SEL1L3: variants seen among roughly 807,000 people sequenced by gnomAD.
The protein encoded by SEL1L3 is protein sel-1 homolog 3.
A neutral mutation model predicts 142.8 loss-of-function variants in SEL1L3; 76 were observed. The ratio of observed to expected loss-of-function variants is 0.53; its 90% confidence interval spans 0.44 to 0.64. The LOEUF is 0.64. Among genes scored for constraint, SEL1L3 ranks in the 30% least tolerant of loss-of-function variants. The probability of loss-of-function intolerance (pLI) is 0.00; values close to 1 mark genes in which losing one functional copy is unlikely to be tolerated. For missense variants in SEL1L3, 1,262 were observed against 1,381.7 expected (o/e 0.91, Z 1.37); for synonymous variants, 504 against 519.6 (o/e 0.97, Z 0.41).
At chr4:25,840,945 G>A (rs528197236) in intron 2 of SEL1L3, among the ~76,000 whole-genome samples, 6 of 152,006 alleles carry the variant, frequency 3.9e-5, no homozygotes, top group East Asian at 1.9e-4. Context: ...TTCCCAATCC[G>A]GAATTTTCTC....
chr4:25,785,900 C>T (rs1371679377), intron 13 of SEL1L3, among the ~76,000 whole-genome samples: 1 of 152,152 alleles, frequency 6.6e-6, no homozygotes, highest in Non-Finnish European at 1.5e-5. Flanking sequence ...GTTAGAGCTG[C>T]AATGACAACC....
intron 15 of SEL1L3, among the ~76,000 whole-genome samples, chr4:25,780,736 A>G (rs1719936867): frequency 6.8e-6 from 1 of 147,134 alleles, no homozygotes; most frequent in Non-Finnish European, 1.5e-5. Flanking sequence ...TAAATAATAT[A>G]TATAAATAAA....
chr4:25,780,371 T>G (rs1719913599), intron 15 of SEL1L3, among the ~76,000 whole-genome samples: 1 of 152,174 alleles, frequency 6.6e-6, no homozygotes, highest in Non-Finnish European at 1.5e-5. Context: ...AGCCCATCGT[T>G]GCCCCATTGA....
chr4:25,750,448 A>G (rs1397033267), intron 23 of SEL1L3, among the ~76,000 whole-genome samples: 1 of 152,140 alleles, frequency 6.6e-6, no homozygotes, highest in Non-Finnish European at 1.5e-5. Context: ...AAGAAAGAAT[A>G]CGTGGGACTA....
chr4:25,860,357 A>G (rs1717613325), intron 1 of SEL1L3, among the ~76,000 whole-genome samples: 1 of 152,072 alleles, frequency 6.6e-6, no homozygotes, highest in African/African-American at 2.4e-5. Context: ...CCCCTGACCA[A>G]CCACTTCCTC....
At chr4:25,808,950 G>T (rs929028455) in intron 9 of SEL1L3, among the ~76,000 whole-genome samples, 9 of 150,092 alleles carry the variant, frequency 6.0e-5, no homozygotes, top group Non-Finnish European at 8.9e-5. Flanking sequence ...GCGAGTGCCT[G>T]TAGTCCCATC....
intron 17 of SEL1L3, among the ~76,000 whole-genome samples, chr4:25,770,854 A>G (rs991313551): frequency 6.6e-6 from 1 of 152,126 alleles, no homozygotes; most frequent in Non-Finnish European, 1.5e-5. Context: ...ACCACCATCC[A>G]TGTTCACATC....
chr4:25,760,845 T>C (rs1261796136), intron 20 of SEL1L3, among the ~76,000 whole-genome samples: 6 of 152,246 alleles, frequency 3.9e-5, no homozygotes, highest in African/African-American at 1.4e-4. Flanking sequence ...TTTATTCATT[T>C]AATCCTCATA....
chr4:25,829,936 G>GA (rs35501267), intron 6 of SEL1L3, among the ~76,000 whole-genome samples, 162 bp downstream of exon 6: 11,539 of 151,216 alleles, frequency 0.076, 1,461 homozygotes, highest in African/African-American at 0.26. Flanking sequence ...TGCATGGTAG[G>GA]AAAAAAAAAG....
At chr4:25,833,348 A>G in intron 4 of SEL1L3, 100 bp downstream of exon 4, 1 of 1,179,894 alleles carries the variant, frequency 8.5e-7, no homozygotes, top group Non-Finnish European at 1.2e-6. Flanking sequence ...CTGGGCTGCC[A>G]TGTTGACAGG....
At chr4:25,789,495 G>GGCTCAAGT (rs1396371463) in intron 12 of SEL1L3, among the ~76,000 whole-genome samples, 2 of 150,782 alleles carry the variant, frequency 1.3e-5, no homozygotes, top group African/African-American at 2.4e-5. Flanking sequence ...TGAGGCTAGA[G>GGCTCAAGT]GATCACTTGA....
At chr4:25,856,344 T>C (rs1369374629) in intron 1 of SEL1L3, among the ~76,000 whole-genome samples, 1 of 151,946 alleles carries the variant, frequency 6.6e-6, no homozygotes, top group African/African-American at 2.4e-5. Flanking sequence ...AAGCAAGATA[T>C]TTGGGGTGAA....
intron 2 of SEL1L3, among the ~76,000 whole-genome samples, chr4:25,844,122 C>T (rs1716353350): frequency 6.6e-6 from 1 of 152,196 alleles, no homozygotes. Context: ...CATGACAGGC[C>T]CCCTGTGGCT....
At chr4:25,841,903 T>G (rs1033334670) in intron 2 of SEL1L3, among the ~76,000 whole-genome samples, 1 of 152,086 alleles carries the variant, frequency 6.6e-6, no homozygotes, top group African/African-American at 2.4e-5. Flanking sequence ...GAGGGTGCAG[T>G]GAGCTGAGAT....
chr4:25,800,190 G>C (rs533278988), intron 11 of SEL1L3, among the ~76,000 whole-genome samples: 1 of 152,204 alleles, frequency 6.6e-6, no homozygotes, highest in Non-Finnish European at 1.5e-5. Context: ...TTGTTAATTA[G>C]AGGTCTGGCT....
intron 2 of SEL1L3, among the ~76,000 whole-genome samples, chr4:25,844,223 C>T (rs1378200583): frequency 6.6e-6 from 1 of 152,208 alleles, no homozygotes; most frequent in Non-Finnish European, 1.5e-5. Flanking sequence ...GGCTTGGCCC[C>T]CTTCTATCCC....
chr4:25,746,606 TAG>T (rs1415103798), downstream of SEL1L3, among the ~76,000 whole-genome samples: 5 of 145,054 alleles, frequency 3.4e-5, no homozygotes, highest in African/African-American at 1.0e-4. Context: ...TCTCTATCTA[TAG>T]AGAGAAACAA....
intron 9 of SEL1L3, among the ~76,000 whole-genome samples, chr4:25,810,496 G>C (rs1270167789): frequency 6.6e-6 from 1 of 152,176 alleles, no homozygotes; most frequent in Non-Finnish European, 1.5e-5. Flanking sequence ...AGTAAAAGAA[G>C]GAAATGGCCA....
At chr4:25,807,042 T>A (rs1310680005) in intron 9 of SEL1L3, among the ~76,000 whole-genome samples, 1 of 152,184 alleles carries the variant, frequency 6.6e-6, no homozygotes, top group African/African-American at 2.4e-5. Context: ...ACATACACAT[T>A]TTCTTTACCA....
Sources: gnomAD v4.1 joint callset for allele counts (sites outside exome capture counted in the v4.1 genomes callset) on GRCh38, gnomAD v4.1.1 for gene constraint, MANE v1.5 for transcripts, NCBI Gene and HGNC (gene_info 2026-07-23, HGNC 2026-07-21) for gene names.